COL6A2: variants seen among roughly 807,000 people sequenced by gnomAD.
COL6A2 encodes the protein collagen alpha-2(VI) chain.
Under a neutral mutation model 124.9 loss-of-function variants are expected in COL6A2, and 90 were observed. The observed-to-expected ratio is 0.72, with a 90% confidence interval of 0.61 to 0.86. The LOEUF (loss-of-function observed/expected upper bound fraction) is 0.86. Among genes scored for constraint, COL6A2 ranks in the 40% least tolerant of loss-of-function variants. The pLI is 0.00. For missense variants in COL6A2, 1,607 were observed against 1,502.5 expected (o/e 1.07, Z -1.15); for synonymous variants, 793 against 618.2 (o/e 1.28, Z -4.19).
chr21:46,113,716 C>A, intron 4 of COL6A2: 1 of 504,938 alleles, frequency 2.0e-6, no homozygotes, highest in Non-Finnish European at 3.6e-6. Context: ...GTGAGCTGCA[C>A]CCGGCCTTTC....
chr21:46,109,957 CTT>C (rs1355306210), intron 1 of COL6A2, among the ~76,000 whole-genome samples: 1 of 152,250 alleles, frequency 6.6e-6, no homozygotes, highest in African/African-American at 2.4e-5. Context: ...ACAGCCACGA[CTT>C]GGGCAGTTGT....
Position 46,116,845 on chromosome 21 carries a change from T to C in COL6A2, c.999+31T>C, listed in dbSNP as rs1021918205. On this transcript the variant is annotated intron_variant, in intron 10 of 27. Transcript: ENST00000300527. The surrounding 1 kb of genome is among the most constrained non-coding windows in gnomAD (Gnocchi z 4.6). ...GGGAGCCTCGGGCTCACAGCTGGAC[T>C]GGTCTCACAGAGGCATCCCAGCCTC... The C allele has an allele frequency of 6.2e-7, 1 of 1,612,244 alleles. No individual in the cohort carries two copies. The highest frequency in any genetic ancestry group is 2.2e-5 in the East Asian group (1 of 44,858).
Position 46,125,550 on chromosome 21 carries a change from G to A in COL6A2, c.1902G>A (p.Glu634=), listed in dbSNP as rs772623467. ...TTGGGTACACCAACTTCACACTGGA[G>A]AAGAACTTCGTCATCAACGTGGTCA... ...ESIGYTNFTL[E]KNFVINVVNR... Residue 634 remains glutamate (E), a synonymous_variant, in exon 25 of 28, where the codon GAG becomes GAA. Transcript: ENST00000300527. 359 of 1,612,710 alleles carry A rather than the reference G, an allele frequency of 2.2e-4. 3 individuals are homozygous for A. Among genetic ancestry groups the A allele is most frequent in the Non-Finnish European group, 6.8e-6 (8 of 1,179,940 alleles).
chr21:46,109,041 G>T (rs1394576723), intron 1 of COL6A2, among the ~76,000 whole-genome samples: 1 of 152,186 alleles, frequency 6.6e-6, no homozygotes, highest in Non-Finnish European at 1.5e-5. Flanking sequence ...TCAGCTCTCA[G>T]CAGAGAGAAG....
At chr21:46,099,889 C>CTTTTTTTTTTTTTTTTTTTTTT (rs869028897) in intron 1 of COL6A2, among the ~76,000 whole-genome samples, 1 of 91,840 alleles carries the variant, frequency 1.1e-5, no homozygotes, top group Admixed American at 1.5e-4. Flanking sequence ...GCAGCACTGT[C>CTTTTTTTTTTTTTTTTTTTTTT]TTTTTTTTTT....
chr21:46,132,346 A>C lies in COL6A2; in HGVS notation c.2854A>C (p.Thr952Pro). 6.2e-7 allele frequency: 1 copy of C among 1,608,382 alleles called. No individual in the cohort carries two copies. The highest frequency in any genetic ancestry group is 8.5e-7 in the Non-Finnish European group (1 of 1,179,562). Residue 952 changes from threonine to proline, a missense_variant, in exon 28 of 28, where the codon ACG becomes CCG. Coordinates refer to ENST00000300527, the MANE Select transcript of COL6A2 (RefSeq NM_001849.4). ...LSFVFLTDGVTGNDSLHESAH... is the reference protein window; with the variant it reads ...LSFVFLTDGVPGNDSLHESAH... Reference sequence around the variant, plus strand: ...CTTCGTGTTCCTCACGGACGGCGTCACGGGCAACGACAGTCTGCACGAGTC... The same window carrying C: ...CTTCGTGTTCCTCACGGACGGCGTCCCGGGCAACGACAGTCTGCACGAGTC...
At chr21:46,125,440 C>A in intron 24 of COL6A2, 25 bp from the exon 25 acceptor site, 1 of 1,610,486 alleles carries the variant, frequency 6.2e-7, no homozygotes, top group Non-Finnish European at 8.5e-7. Flanking sequence ...CCCGGTACCC[C>A]CCGATGACCC....
intron 27 of COL6A2, among the ~76,000 whole-genome samples, chr21:46,130,613 A>T (rs932008511): frequency 6.6e-6 from 1 of 152,090 alleles, no homozygotes; most frequent in Non-Finnish European, 1.5e-5. Flanking sequence ...CGGCCCCCAC[A>T]GCTTCCCCGT....
In COL6A2 at chr21:46,128,576, G is replaced by A. The variant is rs6518273; in HGVS notation, c.2461+2035G>A. On this transcript the variant is annotated intron_variant, in intron 27 of 27. Transcript: ENST00000300527. Reference sequence around the variant, plus strand: ...GCAGGCCTGTGGAGTTCTCAGTTGCGTGGGGACCAGAGGGTGCTGGAGAAA... The same window carrying A: ...GCAGGCCTGTGGAGTTCTCAGTTGCATGGGGACCAGAGGGTGCTGGAGAAA... 0.012 allele frequency among the ~76,000 whole-genome samples: 1,785 copies of A among 152,340 alleles called. 24 individuals are homozygous for A. Among genetic ancestry groups the A allele is most frequent in the African/African-American group, 0.04 (1,671 of 41,578 alleles).
chr21:46,100,023 T>C (rs551378623), intron 1 of COL6A2, among the ~76,000 whole-genome samples: 72 of 151,850 alleles, frequency 4.7e-4, no homozygotes, highest in African/African-American at 1.6e-3. Flanking sequence ...CCGTGTGTAG[T>C]GATGTGCATT....
At position 46,117,258 on chromosome 21, in the gene COL6A2, TG is replaced by T. The variant is rs527625501; in HGVS notation, c.1000-140del. On this transcript the variant is annotated intron_variant, in intron 10 of 27. Coordinates refer to ENST00000300527, the MANE Select transcript of COL6A2 (RefSeq NM_001849.4). ...CCCGGAGACAGCTCCACAGCAGCCG[TG>T]GCCTCATGTGGGCACCCGTGTGCCA... The T allele has an allele frequency of 8.0e-5, 64 of 797,456 alleles. No individual in the cohort carries two copies. In the African/African-American group the frequency reaches 8.4e-4, roughly 10 times the overall value. The allele number at this position is 797,456 out of a possible 1,614,324, so 49.4% of individuals were successfully genotyped here.
Position 46,128,866 on chromosome 21 carries a change from G to A in COL6A2, c.2461+2325G>A, listed in dbSNP as rs750589908. The A allele has an allele frequency of 2.9e-5, 46 of 1,568,604 alleles. No homozygotes were observed. In the South Asian group the frequency reaches 3.3e-4, roughly 11 times the overall value. On this transcript the variant is annotated intron_variant, in intron 27 of 27. Coordinates refer to ENST00000300527, the MANE Select transcript of COL6A2 (RefSeq NM_001849.4). Reference sequence around the variant, plus strand: ...TTCCTGGCGACGGGCCTGCGGCACTGGAAGCCCTACTGGAGTTTGGCCTGT... The same window carrying A: ...TTCCTGGCGACGGGCCTGCGGCACTAGAAGCCCTACTGGAGTTTGGCCTGT...
chr21:46,116,851 C>T lies in COL6A2; in HGVS notation c.999+37C>T, dbSNP rs947865160. The T allele has an allele frequency of 1.2e-6, 2 of 1,611,378 alleles. No homozygotes were observed. Among genetic ancestry groups the T allele is most frequent in the African/African-American group, 1.3e-5 (1 of 74,852 alleles). ...CTCGGGCTCACAGCTGGACTGGTCT[C>T]ACAGAGGCATCCCAGCCTCTGCAGG... On this transcript the variant is annotated intron_variant, in intron 10 of 27. Coordinates refer to ENST00000300527, the MANE Select transcript of COL6A2 (RefSeq NM_001849.4). The surrounding 1 kb of genome is among the most constrained non-coding windows in gnomAD (Gnocchi z 4.6).
intron 21 of COL6A2, among the ~76,000 whole-genome samples, chr21:46,124,088 G>A (rs2078618061): frequency 6.7e-6 from 1 of 149,310 alleles, no homozygotes; most frequent in Non-Finnish European, 1.5e-5. Flanking sequence ...GAATGGGTGG[G>A]TGGGTAGAGG....
intron 11 of COL6A2, 169 bp downstream of exon 11, chr21:46,117,622 G>T: frequency 1.3e-6 from 1 of 799,798 alleles, no homozygotes; most frequent in East Asian, 2.7e-5. Context: ...GTCATGTGAG[G>T]AACTCCCCCT....
At chr21:46,125,046 C>A in intron 23 of COL6A2, 126 bp downstream of exon 23, 2 of 1,289,132 alleles carry the variant, frequency 1.6e-6, no homozygotes, top group Non-Finnish European at 2.2e-6. Context: ...GGTCAGAGGG[C>A]AAGGTCAGAG....
At chr21:46,105,717 AAAG>A (rs1308577135) in intron 1 of COL6A2, among the ~76,000 whole-genome samples, 21 of 152,228 alleles carry the variant, frequency 1.4e-4, no homozygotes, top group African/African-American at 5.1e-4. Flanking sequence ...GAAAATAACT[AAAG>A]AATAAATACA....
At chr21:46,107,565 C>T (rs185602411) in intron 1 of COL6A2, among the ~76,000 whole-genome samples, 2 of 152,218 alleles carry the variant, frequency 1.3e-5, no homozygotes, top group Admixed American at 6.5e-5. Flanking sequence ...AGAGATTAAC[C>T]GAGAGTCTAG....
At chr21:46,111,154 C>T (rs1050912073) in intron 1 of COL6A2, among the ~76,000 whole-genome samples, 19 of 152,258 alleles carry the variant, frequency 1.2e-4, no homozygotes, top group African/African-American at 3.4e-4. Context: ...GCCCAGCTAC[C>T]CACTCCACCC....
Sources: gnomAD v4.1 joint callset for allele counts (sites outside exome capture counted in the v4.1 genomes callset) on GRCh38, gnomAD v4.1.1 for gene constraint, Gnocchi (gnomAD v3.1) non-coding constraint, MANE v1.5 for transcripts, NCBI Gene and HGNC (gene_info 2026-07-23, HGNC 2026-07-21) for gene names.